The following REDIC1 variants were observed in gnomAD, a reference collection of about 807,000 sequenced individuals.
The protein encoded by REDIC1 is regulator of DNA class I crossover intermediates 1.
At chr12:39,697,892 G>T in the REDIC1 span, among the ~76,000 whole-genome samples, 27 of 152,250 alleles carry the variant, frequency 1.8e-4, no homozygotes, top group African/African-American at 6.0e-4. Flanking sequence ...AATAGCAGCA[G>T]TAAGTCTTTA....
the REDIC1 span, among the ~76,000 whole-genome samples, chr12:39,738,466 C>T: frequency 6.6e-6 from 1 of 152,194 alleles, no homozygotes; most frequent in African/African-American, 2.4e-5. Context: ...GACTCATCCA[C>T]ACCCGGTTGC....
At chr12:39,898,922 G>T in the REDIC1 span, among the ~76,000 whole-genome samples, 2 of 152,200 alleles carry the variant, frequency 1.3e-5, no homozygotes, top group African/African-American at 2.4e-5. Flanking sequence ...AGAAGGAAAA[G>T]AAGAGTGATC....
the REDIC1 span, among the ~76,000 whole-genome samples, chr12:39,851,117 C>G: frequency 2.6e-5 from 4 of 152,072 alleles, no homozygotes; most frequent in Non-Finnish European, 4.4e-5. Flanking sequence ...CCAGGCTGGT[C>G]TCGAACTCCC....
the REDIC1 span, among the ~76,000 whole-genome samples, chr12:39,635,374 C>T: frequency 1.3e-5 from 2 of 152,098 alleles, no homozygotes; most frequent in Non-Finnish European, 2.9e-5. Context: ...TTCACAATAG[C>T]AAAGACTTGG....
the REDIC1 span, among the ~76,000 whole-genome samples, chr12:39,904,605 AC>A: frequency 6.6e-6 from 1 of 152,056 alleles, no homozygotes; most frequent in African/African-American, 2.4e-5. Context: ...GGATATCCAC[AC>A]AGATGTTGCA....
At chr12:39,704,068 C>T in the REDIC1 span, among the ~76,000 whole-genome samples, 2 of 152,160 alleles carry the variant, frequency 1.3e-5, no homozygotes, top group Non-Finnish European at 2.9e-5. Context: ...CCAAAATTGA[C>T]AAATGCGATC....
At chr12:39,713,227 T>TACGTGTATATATGTGTACACACAC in the REDIC1 span, among the ~76,000 whole-genome samples, 1 of 134,258 alleles carries the variant, frequency 7.4e-6, no homozygotes, top group Non-Finnish European at 1.6e-5. Flanking sequence ...ATATTACACA[T>TACGTGTATATATGTGTACACACAC]ATACGTGTAT....
the REDIC1 span, among the ~76,000 whole-genome samples, chr12:39,700,646 A>C: frequency 1.3e-5 from 2 of 152,194 alleles, no homozygotes; most frequent in South Asian, 4.2e-4. Context: ...AGATTCACCA[A>C]AGTTGAAATG....
At chr12:39,890,465 T>G in the REDIC1 span, among the ~76,000 whole-genome samples, 1 of 152,158 alleles carries the variant, frequency 6.6e-6, no homozygotes, top group Non-Finnish European at 1.5e-5. Context: ...CAATTGACCT[T>G]GAGACAGGGA....
At chr12:39,764,256 A>G in the REDIC1 span, among the ~76,000 whole-genome samples, 4 of 152,148 alleles carry the variant, frequency 2.6e-5, no homozygotes, top group East Asian at 7.8e-4. Flanking sequence ...GTGGAACAAG[A>G]AGCAGTGCTG....
the REDIC1 span, chr12:39,692,256 C>T: frequency 1.1e-5 from 8 of 720,828 alleles, no homozygotes; most frequent in Admixed American, 1.2e-4. Context: ...GCAATTGACT[C>T]GTTAAAATTA....
the REDIC1 span, among the ~76,000 whole-genome samples, chr12:39,722,826 T>C: frequency 6.6e-6 from 1 of 152,196 alleles, no homozygotes; most frequent in Non-Finnish European, 1.5e-5. Flanking sequence ...TTGCCTTTAC[T>C]CTTGGCTTCT....
chr12:39,717,176 A>T, the REDIC1 span, among the ~76,000 whole-genome samples: 1 of 142,608 alleles, frequency 7.0e-6, no homozygotes, highest in African/African-American at 3.0e-5. Flanking sequence ...ACACACACAC[A>T]TTATGTGTGT....
At chr12:39,900,290 A>G in the REDIC1 span, among the ~76,000 whole-genome samples, 1 of 152,172 alleles carries the variant, frequency 6.6e-6, no homozygotes, top group Admixed American at 6.6e-5. Context: ...CAAGACAGGG[A>G]TGCCCTCTCT....
At chr12:39,658,708 C>T in the REDIC1 span, among the ~76,000 whole-genome samples, 1 of 152,014 alleles carries the variant, frequency 6.6e-6, no homozygotes, top group Non-Finnish European at 1.5e-5. Context: ...CTTTTCATCT[C>T]TTTGTTTATT....
At chr12:39,859,137 C>G in the REDIC1 span, among the ~76,000 whole-genome samples, 1 of 151,940 alleles carries the variant, frequency 6.6e-6, no homozygotes, top group East Asian at 1.9e-4. Flanking sequence ...ACAGATGAAG[C>G]CACAGTTTGT....
chr12:39,651,685 A>G, the REDIC1 span, among the ~76,000 whole-genome samples: 1 of 152,180 alleles, frequency 6.6e-6, no homozygotes, highest in African/African-American at 2.4e-5. Context: ...GAGAGTTGTA[A>G]TGCCAGGTAA....
At chr12:39,684,775 G>T in the REDIC1 span, 4 of 879,400 alleles carry the variant, frequency 4.5e-6, 1 homozygote, top group Non-Finnish European at 7.2e-6. Context: ...ATATAATTCT[G>T]ATCTGAAGCC....
chr12:39,880,621 A>G, the REDIC1 span, among the ~76,000 whole-genome samples: 2 of 152,220 alleles, frequency 1.3e-5, no homozygotes, highest in Non-Finnish European at 2.9e-5. Context: ...AATAATTTTC[A>G]TAATTTAAAT....
Sources: allele counts gnomAD v4.1 joint callset (sites outside exome capture counted in the v4.1 genomes callset), GRCh38; gene constraint gnomAD v4.1.1; transcripts MANE v1.5; gene names NCBI Gene and HGNC (gene_info 2026-07-23, HGNC 2026-07-21).